Variants in TCF3 observed in about 807,000 individuals in gnomAD.
The protein encoded by TCF3 is transcription factor E2-alpha.
A neutral mutation model predicts 72.3 loss-of-function variants in TCF3; 54 were observed. The observed-to-expected ratio is 0.75, with a 90% confidence interval of 0.60 to 0.94. The LOEUF (loss-of-function observed/expected upper bound fraction) is 0.94. Among genes scored for constraint, TCF3 ranks in the 40% least tolerant of loss-of-function variants. TCF3 has a pLI of 0.00. For synonymous variants in TCF3, 525 were observed against 412.6 expected, an observed-to-expected ratio of 1.27 and a Z score of -3.30; for missense variants, 1,078 against 934.4, an observed-to-expected ratio of 1.15 and a Z score of -2.00.
intron 3 of TCF3, among the ~76,000 whole-genome samples, chr19:1,634,608 G>T (rs890772452): frequency 6.6e-6 from 1 of 152,254 alleles, no homozygotes; most frequent in Non-Finnish European, 1.5e-5. Flanking sequence ...CTCCAGGCTG[G>T]TGGTTTCCCA....
intron 1 of TCF3, 159 bp from the exon 2 acceptor site, chr19:1,650,446 G>C (rs1336889952): frequency 1.7e-6 from 1 of 586,618 alleles, no homozygotes; most frequent in African/African-American, 1.9e-5. Context: ...GGAGCCCTGG[G>C]AGCAGGCGCA....
rs1244844667 is a variant in TCF3, at chr19:1,629,978, C to CT, written c.298+2059dup. Among the ~76,000 whole-genome samples, 7 of 152,260 alleles carry CT rather than the reference C, an allele frequency of 4.6e-5. No individual in the cohort carries two copies. The South Asian group carries it at 1.4e-3, about 32-fold the overall frequency. On this transcript the variant is annotated intron_variant, in intron 5 of 18. Coordinates refer to ENST00000262965, the MANE Select transcript of TCF3 (RefSeq NM_003200.5). Reference sequence around the variant, plus strand: ...TCGCCCGGCTCCTCGGGTGAGAAAACTGAGGCCATAGGAGACTGAGGTTAT... The same window carrying CT: ...TCGCCCGGCTCCTCGGGTGAGAAAACTTGAGGCCATAGGAGACTGAGGTTAT...
intron 3 of TCF3, among the ~76,000 whole-genome samples, chr19:1,634,734 G>A (rs536553185): frequency 6.6e-6 from 1 of 152,332 alleles, no homozygotes; most frequent in East Asian, 1.9e-4. Flanking sequence ...ATACCGGGTA[G>A]GACTGAGATT....
chr19:1,637,483 G>C (rs983988356), intron 3 of TCF3, among the ~76,000 whole-genome samples: 2 of 152,188 alleles, frequency 1.3e-5, no homozygotes, highest in African/African-American at 4.8e-5. Flanking sequence ...CAGAGAAACA[G>C]GGCCCCGCTT....
rs763771751 is a variant in TCF3 at position 1,619,211 on chromosome 19, G to A, written c.1350C>T (p.Asp450=). 1.6e-5 allele frequency: 26 copies of A among 1,597,602 alleles called. No homozygotes were observed. In the Middle Eastern group the frequency reaches 5.3e-4, roughly 32 times the overall value. Residue 450 remains aspartate, a synonymous_variant, in exon 16 of 19, where the codon GAC becomes GAT. Coordinates refer to ENST00000262965, the MANE Select transcript of TCF3 (RefSeq NM_003200.5). The part of the protein sequence containing the change: ...AGLVGGSHPE[D]GLAGSTSLMH... The stretch of plus-strand genomic sequence containing the variant: ...TGAGGCTGGTGCTGCCTGCGAGGCC[G>A]TCCTCGGGGTGGCTGCCTCCAACCT...
chr19:1,636,673 G>A (rs985400701), intron 3 of TCF3, among the ~76,000 whole-genome samples: 1 of 152,074 alleles, frequency 6.6e-6, no homozygotes, highest in East Asian at 1.9e-4. Context: ...AGCCGCCCTG[G>A]GTTTATCTTC....
chr19:1,650,682 A>AC, intron 1 of TCF3: 2 of 235,564 alleles, frequency 8.5e-6, no homozygotes, highest in East Asian at 1.2e-4. Flanking sequence ...GAGGCCCCCT[A>AC]CCCCCGGGAA....
intron 3 of TCF3, among the ~76,000 whole-genome samples, chr19:1,645,182 C>T (rs979158107): frequency 6.6e-5 from 10 of 152,194 alleles, no homozygotes; most frequent in African/African-American, 1.4e-4. Flanking sequence ...AGGGCCCACC[C>T]CTGGGGGATT....
intron 1 of TCF3, 142 bp from the exon 2 acceptor site, chr19:1,650,429 G>A (rs959622389): frequency 1.6e-6 from 1 of 614,358 alleles, no homozygotes; most frequent in African/African-American, 1.9e-5. Flanking sequence ...GAGCCCTGGG[G>A]GCACGGGGAG....
At chr19:1,620,290 G>C (rs1006537232) in intron 13 of TCF3, among the ~76,000 whole-genome samples, 1 of 152,072 alleles carries the variant, frequency 6.6e-6, no homozygotes, top group Admixed American at 6.5e-5. Flanking sequence ...GAGGACTCAC[G>C]GGTGTTTTTA....
rs146143026 is a variant in TCF3 at position 1,619,309 on chromosome 19, C to T, written c.1326+7G>A. 144 of 1,569,514 alleles carry T rather than the reference C, an allele frequency of 9.2e-5. 1 individual carries two copies. In the Admixed American group the frequency reaches 1.6e-3, roughly 18 times the overall value. ...ACTGCCCAGCTCCACCCTCGCCCAG[C>T]GCTCACCAGGCCTGCGTGCCGCCCG... On this transcript the variant is annotated splice_region_variant and intron_variant, in intron 15 of 18. Coordinates refer to ENST00000262965, the MANE Select transcript of TCF3 (RefSeq NM_003200.5).
In TCF3 at chr19:1,615,167, G is replaced by A; in HGVS notation, c.1822+118C>T. The A allele has an allele frequency of 2.4e-6, 3 of 1,250,468 alleles. No homozygotes were observed. The highest frequency in any genetic ancestry group is 3.3e-6 in the Non-Finnish European group (3 of 922,936). 77.5% of individuals were successfully genotyped at this position (1,250,468 alleles called of 1,614,324 possible). On this transcript the variant is annotated intron_variant, in intron 18 of 18. Coordinates refer to ENST00000262965, the MANE Select transcript of TCF3 (RefSeq NM_003200.5). This position sits in a 1 kb window ranked among gnomAD's most constrained non-coding sequence, Gnocchi z 7.3. Reference sequence around the variant, plus strand: ...GTGAAGGGCACAGTCACTGCAAGGAGGCAACTGCTGCAGAGGGAGGGCTGG... The same window carrying A: ...GTGAAGGGCACAGTCACTGCAAGGAAGCAACTGCTGCAGAGGGAGGGCTGG...
chr19:1,636,913 G>A (rs1347151401), intron 3 of TCF3, among the ~76,000 whole-genome samples: 1 of 152,188 alleles, frequency 6.6e-6, no homozygotes, highest in Non-Finnish European at 1.5e-5. Context: ...ACAAACCTGA[G>A]GCTGAAGAGA....
chr19:1,629,987 T>C (rs1368020097), intron 5 of TCF3, among the ~76,000 whole-genome samples: 11 of 152,040 alleles, frequency 7.2e-5, no homozygotes, highest in Non-Finnish European at 1.5e-4. Context: ...ACTGAGGCCA[T>C]AGGAGACTGA....
chr19:1,640,021 G>A (rs897496760), intron 3 of TCF3, among the ~76,000 whole-genome samples: 2 of 152,198 alleles, frequency 1.3e-5, no homozygotes, highest in Non-Finnish European at 2.9e-5. Context: ...AAATCAACGA[G>A]AGAGAGAAAA....
At chr19:1,640,481 G>A (rs952467892) in intron 3 of TCF3, among the ~76,000 whole-genome samples, 4 of 152,058 alleles carry the variant, frequency 2.6e-5, no homozygotes, top group Non-Finnish European at 5.9e-5. Flanking sequence ...TTAGAACTGA[G>A]AATTCCCAGT....
In TCF3 at chr19:1,610,152, G is replaced by A. The variant is rs900361192; in HGVS notation, c.*1555C>T. 3.0e-5 allele frequency: 7 copies of A among 232,468 alleles called. No homozygotes were observed. The highest frequency in any genetic ancestry group is 5.1e-5 in the Non-Finnish European group (6 of 117,682). 14.4% of individuals were successfully genotyped at this position (232,468 alleles called of 1,614,324 possible). The stretch of plus-strand genomic sequence containing the variant: ...ACCAGAAAAGGAGACCTGGAGAGAG[G>A]CCTGGGTGCTGGGACATGGGACACA... On this transcript the variant is annotated 3_prime_UTR_variant, in exon 19 of 19. Coordinates refer to ENST00000262965, the MANE Select transcript of TCF3 (RefSeq NM_003200.5).
intron 3 of TCF3, among the ~76,000 whole-genome samples, chr19:1,634,993 A>G (rs1486565818): frequency 1.3e-5 from 2 of 152,190 alleles, no homozygotes; most frequent in Non-Finnish European, 2.9e-5. Context: ...AGACTGTCCA[A>G]GTGCCTTCAG....
rs950044539 is a variant in TCF3 at position 1,611,108 on chromosome 19, A to C, written c.*599T>G. 1.3e-5 allele frequency: 3 copies of C among 233,426 alleles called. No individual in the cohort carries two copies. The allele number at this position is 233,426 out of a possible 1,614,324, so 14.5% of individuals were successfully genotyped here. A position where few individuals can be genotyped will look rare whatever the true frequency, so the allele number is the denominator to read the frequency against. ...AAAACATATGCAAAAAAAGCTTAAA[A>C]AAACCAGAGACCAAAGGCAGCATCC... On this transcript the variant is annotated 3_prime_UTR_variant, in exon 19 of 19. Transcript: ENST00000262965.
Sources: gnomAD v4.1 joint callset for allele counts (sites outside exome capture counted in the v4.1 genomes callset) on GRCh38, gnomAD v4.1.1 for gene constraint, Gnocchi (gnomAD v3.1) non-coding constraint, MANE v1.5 for transcripts, NCBI Gene and HGNC (gene_info 2026-07-23, HGNC 2026-07-21) for gene names.